Variants in XKR9 observed in about 807,000 individuals in gnomAD.
XKR9 encodes XK-related protein 9.
In XKR9, 32 loss-of-function variants were observed where a neutral mutation model predicts 32.0. That is an observed-to-expected ratio of 1.00 (90% CI 0.76 to 1.34). XKR9 has a LOEUF of 1.34. Ranked by LOEUF, XKR9 falls within the 40% of genes most tolerant of loss-of-function variation. The probability of loss-of-function intolerance (pLI) is 0.00; values close to 1 mark genes in which losing one functional copy is unlikely to be tolerated. For synonymous variants in XKR9, 168 were observed against 143.4 expected, an observed-to-expected ratio of 1.17 and a Z score of -1.22; for missense variants, 546 against 429.7, an observed-to-expected ratio of 1.27 and a Z score of -2.39.
chr8:70,674,993 G>T (rs897621650), intron 2 of XKR9, 94 bp downstream of exon 2: 2 of 152,222 alleles, frequency 1.3e-5, no homozygotes, highest in Non-Finnish European at 2.9e-5. Context: ...TCAGATAGTT[G>T]TACAGTGGGC....
the XKR9 span, among the ~76,000 whole-genome samples, chr8:70,850,174 T>G: frequency 6.6e-6 from 1 of 151,496 alleles, no homozygotes; most frequent in Admixed American, 6.6e-5. Flanking sequence ...AAAAAGAAAA[T>G]TTTGAGGCTG....
At chr8:70,903,551 G>A in the XKR9 span, among the ~76,000 whole-genome samples, 1 of 151,836 alleles carries the variant, frequency 6.6e-6, no homozygotes, top group Non-Finnish European at 1.5e-5. Flanking sequence ...AGTCTTGCTG[G>A]CAGTCTATCA....
chr8:70,869,304 G>T, the XKR9 span, among the ~76,000 whole-genome samples: 2 of 152,168 alleles, frequency 1.3e-5, no homozygotes, highest in African/African-American at 4.8e-5. Context: ...AATTGATACA[G>T]GAAAAAGGGT....
intron 4 of XKR9, among the ~76,000 whole-genome samples, chr8:70,727,662 T>C (rs1409622019): frequency 1.3e-5 from 2 of 151,940 alleles, no homozygotes; most frequent in African/African-American, 4.8e-5. Flanking sequence ...CCTCCCAAAG[T>C]GCTGGGATTA....
chr8:70,721,807 G>A (rs906384764), intron 4 of XKR9, among the ~76,000 whole-genome samples: 8 of 151,344 alleles, frequency 5.3e-5, no homozygotes, highest in African/African-American at 1.9e-4. Flanking sequence ...TTGTGTAGAT[G>A]TCTATTAGGT....
At chr8:70,856,342 A>G in the XKR9 span, among the ~76,000 whole-genome samples, 2 of 152,224 alleles carry the variant, frequency 1.3e-5, no homozygotes, top group African/African-American at 4.8e-5. Flanking sequence ...CTCTGATAAA[A>G]CAGAATTTAA....
chr8:70,999,452 TA>T, the XKR9 span, among the ~76,000 whole-genome samples: 6 of 152,174 alleles, frequency 3.9e-5, no homozygotes, highest in Middle Eastern at 3.4e-3. Context: ...ACAGCAAGGA[TA>T]AAAAAAGTAA....
At chr8:70,761,290 T>C (rs1436863342) in intron 2 of XKR9, among the ~76,000 whole-genome samples, 1 of 152,210 alleles carries the variant, frequency 6.6e-6, no homozygotes, top group East Asian at 1.9e-4. Context: ...ATCACCACAC[T>C]GTCTTCCACA....
intron 3 of XKR9, chr8:70,683,647 T>G (rs1441851643): frequency 5.1e-6 from 2 of 389,804 alleles, no homozygotes; most frequent in Non-Finnish European, 1.0e-5. Context: ...GCCATGACAC[T>G]TGGTTAATTT....
the XKR9 span, among the ~76,000 whole-genome samples, chr8:71,028,817 A>G: frequency 6.6e-6 from 1 of 152,204 alleles, no homozygotes; most frequent in African/African-American, 2.4e-5. Flanking sequence ...TATACCTAAT[A>G]CTATGCAGCT....
At chr8:70,944,179 C>T in the XKR9 span, among the ~76,000 whole-genome samples, 8 of 152,116 alleles carry the variant, frequency 5.3e-5, no homozygotes, top group South Asian at 2.1e-4. Flanking sequence ...TAGAGAGCTG[C>T]GCCCAAACCA....
At chr8:70,925,537 A>G in the XKR9 span, among the ~76,000 whole-genome samples, 1 of 152,358 alleles carries the variant, frequency 6.6e-6, no homozygotes, top group South Asian at 2.1e-4. Flanking sequence ...CTTTTATGAA[A>G]TTAATCTTTA....
the XKR9 span, among the ~76,000 whole-genome samples, chr8:70,843,700 T>C: frequency 6.6e-6 from 1 of 152,144 alleles, no homozygotes; most frequent in East Asian, 1.9e-4. Flanking sequence ...ATTTCCACTG[T>C]GGACTCTTAC....
At chr8:70,942,083 A>AT in the XKR9 span, among the ~76,000 whole-genome samples, 2 of 152,012 alleles carry the variant, frequency 1.3e-5, no homozygotes, top group African/African-American at 2.4e-5. Flanking sequence ...GTTTTATGTT[A>AT]TTTTTTCTAT....
At chr8:71,003,567 G>A in the XKR9 span, among the ~76,000 whole-genome samples, 1 of 152,070 alleles carries the variant, frequency 6.6e-6, no homozygotes, top group Non-Finnish European at 1.5e-5. Flanking sequence ...GTAGACTCCT[G>A]CAAAGGCTCT....
At chr8:71,030,828 C>G in the XKR9 span, among the ~76,000 whole-genome samples, 6 of 152,170 alleles carry the variant, frequency 3.9e-5, no homozygotes, top group Non-Finnish European at 7.4e-5. Flanking sequence ...GAGGTTCACA[C>G]TTTAGAATCA....
At chr8:70,931,474 G>A in the XKR9 span, among the ~76,000 whole-genome samples, 1 of 152,196 alleles carries the variant, frequency 6.6e-6, no homozygotes, top group East Asian at 1.9e-4. Flanking sequence ...AAAGTGAGTA[G>A]CTAGTAACTA....
At chr8:70,691,604 G>A (rs1216901570) in intron 3 of XKR9, among the ~76,000 whole-genome samples, 1 of 152,176 alleles carries the variant, frequency 6.6e-6, no homozygotes, top group East Asian at 1.9e-4. Context: ...GTGTAAGGAA[G>A]AGGTCCAACT....
chr8:70,820,131 C>A, the XKR9 span, among the ~76,000 whole-genome samples: 1 of 152,118 alleles, frequency 6.6e-6, no homozygotes, highest in African/African-American at 2.4e-5. Flanking sequence ...TCATAAGACC[C>A]TCATTCTAGA....
Sources: allele counts gnomAD v4.1 joint callset (sites outside exome capture counted in the v4.1 genomes callset), GRCh38; gene constraint gnomAD v4.1.1; transcripts MANE v1.5; gene names NCBI Gene and HGNC (gene_info 2026-07-23, HGNC 2026-07-21).